PMS1: variants seen among roughly 807,000 people sequenced by gnomAD.
PMS1 encodes PMS1 protein homolog 1.
In PMS1, 79 loss-of-function variants were observed where a neutral mutation model predicts 93.1. The ratio of observed to expected loss-of-function variants is 0.85; its 90% CI spans 0.71 to 1.02. The LOEUF (loss-of-function observed/expected upper bound fraction) is 1.02, where lower values mean the gene tolerates loss of function less well. Ranked by LOEUF, PMS1 falls within the 50% of genes least tolerant of loss-of-function variation. The pLI, the probability that PMS1 is intolerant of heterozygous loss-of-function variation, is 0.00. For synonymous variants in PMS1, 335 were observed against 363.4 expected (o/e 0.92, Z 0.89); for missense variants, 1,064 against 1,085.3 (o/e 0.98, Z 0.28).
intron 7 of PMS1, among the ~76,000 whole-genome samples, chr2:189,853,595 A>G (rs912986241): frequency 1.3e-5 from 2 of 150,648 alleles, no homozygotes; most frequent in East Asian, 2.0e-4. Flanking sequence ...GGCTCACTGC[A>G]ACCTCCATCT....
chr2:189,858,486 C>T (rs1018245842), intron 9 of PMS1, among the ~76,000 whole-genome samples: 1 of 152,078 alleles, frequency 6.6e-6, no homozygotes, highest in African/African-American at 2.4e-5. Flanking sequence ...ACATTAAGTA[C>T]AACAGTAGCA....
At position 189,877,325 on chromosome 2, in the gene PMS1, C is replaced by T. The variant is rs945806865; in HGVS notation, c.2688C>T (p.Asp896=). 6.2e-7 allele frequency: 1 copy of T among 1,612,746 alleles called. No homozygotes were observed. Among genetic ancestry groups the T allele is most frequent in the Middle Eastern group, 1.7e-4 (1 of 6,060 alleles). ...RQLPMYLSKE[D]IQDIIYRMKH... is the part of the protein sequence containing the mutation. ...TACCCATGTACTTATCAAAAGAGGA[C>T]ATCCAAGACATTATCTACAGAATGA... The change falls in exon 13 of 13, where the codon GAC becomes GAT. Residue 896 remains aspartate (D), a synonymous_variant. Coordinates refer to ENST00000441310, the MANE Select transcript of PMS1 (RefSeq NM_000534.5).
chr2:189,865,417 C>G lies in PMS1; in HGVS notation c.2342+1189C>G, dbSNP rs558526524. On this transcript the variant is annotated intron_variant, in intron 10 of 12. Transcript: ENST00000441310. ...ATGGAGGGCTGAATAGATTTAGATTCTATTTTCTGATGAATCTACTTAATA... is the reference window on the plus strand; with the variant it reads ...ATGGAGGGCTGAATAGATTTAGATTGTATTTTCTGATGAATCTACTTAATA... 6.6e-5 allele frequency among the ~76,000 whole-genome samples: 10 copies of G among 152,160 alleles called. No homozygotes were observed. The East Asian group carries it at 9.6e-4, about 15-fold the overall frequency.
chr2:189,842,448 GTAA>G (rs1258420184), intron 5 of PMS1, among the ~76,000 whole-genome samples: 1 of 152,112 alleles, frequency 6.6e-6, no homozygotes, highest in East Asian at 1.9e-4. Context: ...GGATTTGACT[GTAA>G]TTGGACCTTG....
intron 6 of PMS1, among the ~76,000 whole-genome samples, chr2:189,848,045 T>C (rs1473348279): frequency 6.6e-6 from 1 of 152,168 alleles, no homozygotes; most frequent in Non-Finnish European, 1.5e-5. Context: ...TTTTCAGAGC[T>C]CCCTGAAGAG....
chr2:189,832,356 G>C, intron 5 of PMS1, among the ~76,000 whole-genome samples: 1 of 152,188 alleles, frequency 6.6e-6, no homozygotes, highest in East Asian at 1.9e-4. Context: ...CAAAGCAATA[G>C]CAGCTTGATT....
chr2:189,807,111 TACCAA>T (rs1471308827), intron 4 of PMS1: 5 of 173,242 alleles, frequency 2.9e-5, no homozygotes, highest in African/African-American at 1.2e-4. Context: ...TTAATACTGG[TACCAA>T]ATTCTCTCAC....
intron 5 of PMS1, among the ~76,000 whole-genome samples, chr2:189,819,959 G>T (rs923772882): frequency 6.6e-5 from 10 of 152,252 alleles, no homozygotes; most frequent in Admixed American, 2.0e-4. Flanking sequence ...GGAAAGAAAG[G>T]TTTATATATT....
chr2:189,787,697 G>A (rs757782137), intron 1 of PMS1, among the ~76,000 whole-genome samples: 1 of 151,966 alleles, frequency 6.6e-6, no homozygotes, highest in Admixed American at 6.6e-5. Context: ...TAGAGTACTG[G>A]TTAAAATGGC....
chr2:189,806,125 A>G lies in PMS1; in HGVS notation c.418+371A>G, dbSNP rs1481142483. On this transcript the variant is annotated intron_variant, in intron 4 of 12. Transcript: ENST00000441310. The stretch of plus-strand genomic sequence containing the variant: ...TTTGGTAATAGTGGAAATAAACGAT[A>G]CCATCAAGATATGATTAAATAATTT... 9.7e-6 allele frequency: 4 copies of G among 411,218 alleles called. No homozygotes were observed. In the Admixed American group the frequency reaches 1.3e-4, roughly 13 times the overall value. 25.5% of individuals were successfully genotyped at this position (411,218 alleles called of 1,614,324 possible). A position where few individuals can be genotyped will look rare whatever the true frequency, so the allele number is the denominator to read the frequency against.
intron 4 of PMS1, among the ~76,000 whole-genome samples, chr2:189,812,370 A>G (rs1213681733): frequency 6.6e-6 from 1 of 152,232 alleles, no homozygotes; most frequent in Non-Finnish European, 1.5e-5. Context: ...TTAAAGAATG[A>G]GTACAAAGTG....
At chr2:189,799,000 T>C (rs545610531) in intron 3 of PMS1, among the ~76,000 whole-genome samples, 2 of 152,330 alleles carry the variant, frequency 1.3e-5, no homozygotes, top group African/African-American at 4.8e-5. Context: ...ACTGTAGTTC[T>C]GAGTTTAGAT....
At chr2:189,876,773 T>C (rs2057606826) in intron 12 of PMS1, among the ~76,000 whole-genome samples, 1 of 142,596 alleles carries the variant, frequency 7.0e-6, no homozygotes, top group Non-Finnish European at 1.5e-5. Context: ...GTGCCCACTT[T>C]TTTTTTTTTT....
Position 189,874,156 on chromosome 2 carries a change from ACT to A in PMS1, c.2634+503_2634+504del, listed in dbSNP as rs145317799. ...TCACATCATAGACTGACTGTGGTAA[ACT>A]CTATCATGGATTCTTACCATAACAT... is the stretch of plus-strand genomic sequence containing the variant. On this transcript the variant is annotated intron_variant, in intron 12 of 12. Coordinates refer to ENST00000441310, the MANE Select transcript of PMS1 (RefSeq NM_000534.5). Among the ~76,000 whole-genome samples the A allele has an allele frequency of 5.0e-3, 758 of 152,180 alleles. 6 individuals are homozygous for A. Among genetic ancestry groups the A allele is most frequent in the African/African-American group, 0.018 (742 of 41,524 alleles).
At chr2:189,811,462 G>A (rs2050841149) in intron 4 of PMS1, among the ~76,000 whole-genome samples, 1 of 151,806 alleles carries the variant, frequency 6.6e-6, no homozygotes, top group Admixed American at 6.6e-5. Flanking sequence ...TTGTGTTTTG[G>A]CGCATGCCTG....
At chr2:189,821,789 A>G (rs2051916144) in intron 5 of PMS1, among the ~76,000 whole-genome samples, 2 of 152,364 alleles carry the variant, frequency 1.3e-5, no homozygotes, top group South Asian at 4.1e-4. Context: ...AGCCTGGGCG[A>G]CAGAGTGAGA....
At chr2:189,855,169 A>C (rs758861573) in intron 9 of PMS1, 41 bp downstream of exon 9, 11 of 1,542,898 alleles carry the variant, frequency 7.1e-6, no homozygotes, top group Non-Finnish European at 8.9e-6. Flanking sequence ...ATGTTCAGCT[A>C]TTTCCATTCT....
At chr2:189,833,894 A>T (rs1437477714) in intron 5 of PMS1, among the ~76,000 whole-genome samples, 1 of 152,204 alleles carries the variant, frequency 6.6e-6, no homozygotes, top group East Asian at 1.9e-4. Flanking sequence ...AGAGACCACC[A>T]CAATCTTCCT....
At chr2:189,811,858 G>A (rs1272245333) in intron 4 of PMS1, among the ~76,000 whole-genome samples, 1 of 152,120 alleles carries the variant, frequency 6.6e-6, no homozygotes, top group Non-Finnish European at 1.5e-5. Context: ...TAAAAGTGTG[G>A]CGCTATTTAC....
Sources: gnomAD v4.1 joint callset for allele counts (sites outside exome capture counted in the v4.1 genomes callset) on GRCh38, gnomAD v4.1.1 for gene constraint, MANE v1.5 for transcripts, NCBI Gene and HGNC (gene_info 2026-07-23, HGNC 2026-07-21) for gene names.